The following SYNE1 variants were observed in gnomAD, a reference collection of about 807,000 sequenced individuals.
SYNE1 encodes the protein spectrin repeat containing nuclear envelope protein 1, also known as nesprin-1.
In SYNE1, 616 loss-of-function variants were observed where a neutral mutation model predicts 1,111.0. That is an observed-to-expected ratio of 0.55 (90% CI 0.52 to 0.59). The LOEUF (loss-of-function observed/expected upper bound fraction) is 0.59. Among genes scored for constraint, SYNE1 ranks in the 20% least tolerant of loss-of-function variants. The probability of loss-of-function intolerance (pLI) is 0.00; values close to 1 mark genes in which losing one functional copy is unlikely to be tolerated. For missense variants in SYNE1, 10,006 were observed against 10,417.0 expected (o/e 0.96, Z 1.72); for synonymous variants, 3,855 against 3,825.8 (o/e 1.01, Z -0.28).
intron 106 of SYNE1, 27 bp downstream of exon 106, chr6:152,244,510 C>T (rs779027142): frequency 6.2e-7 from 1 of 1,613,830 alleles, no homozygotes; most frequent in Non-Finnish European, 8.5e-7. Flanking sequence ...ACCCCTGCAG[C>T]TGAATACTAC....
At chr6:152,173,147 C>G (rs1306678935) in intron 130 of SYNE1, among the ~76,000 whole-genome samples, 3 of 151,982 alleles carry the variant, frequency 2.0e-5, no homozygotes, top group African/African-American at 4.8e-5. Flanking sequence ...AATTTAAAAA[C>G]TCAATGCAAA....
chr6:152,618,601 A>G (rs1002314618), intron 3 of SYNE1, among the ~76,000 whole-genome samples: 2 of 152,234 alleles, frequency 1.3e-5, no homozygotes, highest in African/African-American at 4.8e-5. Flanking sequence ...TTTACTAAAT[A>G]TGAAAGATTA....
At chr6:152,335,458 A>T (rs1308843829) in intron 76 of SYNE1, 4 of 152,200 alleles carry the variant, frequency 2.6e-5, no homozygotes, top group South Asian at 2.1e-4. Context: ...AATACATTTT[A>T]AAAAATTAAA....
chr6:152,226,368 G>A (rs915598887), intron 115 of SYNE1, among the ~76,000 whole-genome samples: 1 of 151,918 alleles, frequency 6.6e-6, no homozygotes, highest in Admixed American at 6.6e-5. Context: ...ATTTCTACTG[G>A]GTCTCAGTTT....
chr6:152,242,419 T>A lies in SYNE1; in HGVS notation c.19714A>T (p.Met6572Leu). The A allele has an allele frequency of 8.1e-6, 13 of 1,614,038 alleles. No individual in the cohort carries two copies. Among genetic ancestry groups the A allele is most frequent in the Non-Finnish European group, 1.0e-5 (12 of 1,180,000 alleles). The part of the protein sequence containing the change: ...KLQDMYDELM[M>L]IIGSRRSGLN... ...CCACTCCTCCGGGAGCCAATGATCA[T>A]CATCAGCTCATCATACATGTCCTAA... The change falls in exon 107 of 146, where the codon ATG (methionine) becomes TTG (leucine). Residue 6572 changes from methionine (M) to leucine (L), a missense_variant. Transcript: ENST00000367255.
chr6:152,151,067 C>G (rs1200531443), intron 135 of SYNE1, among the ~76,000 whole-genome samples: 1 of 151,796 alleles, frequency 6.6e-6, no homozygotes, highest in African/African-American at 2.4e-5. Context: ...TACAAAAATA[C>G]AAAAATTTGC....
chr6:152,382,708 T>C (rs963282667), intron 55 of SYNE1, among the ~76,000 whole-genome samples: 4 of 152,196 alleles, frequency 2.6e-5, no homozygotes, highest in Non-Finnish European at 4.4e-5. Context: ...TAATAGACCT[T>C]AATACTTGTA....
intron 98 of SYNE1, among the ~76,000 whole-genome samples, chr6:152,275,819 T>C (rs975000203): frequency 1.3e-5 from 2 of 149,848 alleles, no homozygotes; most frequent in African/African-American, 4.9e-5. Context: ...AGGCAGAGGT[T>C]GCAATGAGCT....
intron 145 of SYNE1, chr6:152,125,159 C>G: frequency 7.4e-7 from 1 of 1,349,844 alleles, no homozygotes. Context: ...CTAGCAGGGA[C>G]TCAGGCTTCC....
At chr6:152,347,291 C>T (rs2096654085) in intron 72 of SYNE1, 56 bp from the exon 73 acceptor site, 9 of 1,587,604 alleles carry the variant, frequency 5.7e-6, no homozygotes, top group Non-Finnish European at 7.8e-6. Context: ...AGTAACTTAT[C>T]CATCAAAGTT....
At chr6:152,254,827 A>G (rs2090429135) in intron 104 of SYNE1, 53 bp downstream of exon 104, 8 of 1,505,542 alleles carry the variant, frequency 5.3e-6, no homozygotes, top group Non-Finnish European at 7.3e-6. Flanking sequence ...GTGACTGACT[A>G]TTACTGAATA....
chr6:152,141,131 A>C, intron 139 of SYNE1, 72 bp downstream of exon 139: 1 of 1,608,552 alleles, frequency 6.2e-7, no homozygotes, highest in Non-Finnish European at 8.5e-7. Context: ...CCCTAAGTGG[A>C]ATTTCGCTGT....
rs368785654 is a variant in SYNE1, at chr6:152,584,556, C to T, written c.67+43709G>A. ...TAGCTGGGACCACAGGTGTGTACCA[C>T]CATGCCCAACTAATTTTTTTGATTT... is the stretch of plus-strand genomic sequence containing the variant. On this transcript the variant is annotated intron_variant, in intron 3 of 145. Transcript: ENST00000367255. Among the ~76,000 whole-genome samples, 6 of 152,084 alleles carry T rather than the reference C, an allele frequency of 3.9e-5. No individual in the cohort carries two copies. In the East Asian group the frequency reaches 1.2e-3, roughly 29 times the overall value.
Position 152,447,594 on chromosome 6 carries a change from C to T in SYNE1, c.3533G>A (p.Gly1178Asp). The change falls in exon 29 of 146, where the codon GGT becomes GAT. Residue 1178 changes from glycine to aspartate, a missense_variant. Gly to Asp is a moderately conservative substitution (Grantham distance 94, BLOSUM62 -1). This residue lies in a region of SYNE1 where 1,971 missense variants were observed against 2,084.1 expected (regional missense o/e 0.95). Coordinates refer to ENST00000367255, the MANE Select transcript of SYNE1 (RefSeq NM_182961.4). ...EEIRNGVTKR[G>D]ETLSWLKSRL... ...GGATTTCAGCCAGCTGAGGGTCTCA[C>T]CCCTTTTGGTAACACCATTTCTGAT... is the stretch of plus-strand genomic sequence containing the variant. 1 of 1,614,190 alleles carries T rather than the reference C, an allele frequency of 6.2e-7. No homozygotes were observed. Among genetic ancestry groups the T allele is most frequent in the Non-Finnish European group, 8.5e-7 (1 of 1,180,026 alleles).
rs780508961 is a variant in SYNE1 at position 152,236,808 on chromosome 6, A to G, written c.20199+9T>C. 1.6e-5 allele frequency: 26 copies of G among 1,614,058 alleles called. No homozygotes were observed. Among genetic ancestry groups the G allele is most frequent in the Non-Finnish European group, 2.1e-5 (25 of 1,180,000 alleles). On this transcript the variant is annotated intron_variant, in intron 109 of 145. Transcript: ENST00000367255. ...TTCTAAAGGCAATGTGGCGGCTTGT[A>G]ACACCAACCTGGTAGAGTGTTATGC...
chr6:152,371,256 G>A (rs2097174608), intron 59 of SYNE1, among the ~76,000 whole-genome samples: 1 of 151,898 alleles, frequency 6.6e-6, no homozygotes, highest in East Asian at 2.0e-4. Flanking sequence ...CATGGGGGTG[G>A]TTACCCCCAT....
chr6:152,407,663 A>G (rs1015297109), intron 44 of SYNE1, among the ~76,000 whole-genome samples: 1 of 152,220 alleles, frequency 6.6e-6, no homozygotes. Context: ...TTAAAATAAA[A>G]TAGTATTGCT....
At chr6:152,430,359 AT>A (rs1404779766) in intron 35 of SYNE1, 122 bp downstream of exon 35, 4 of 1,126,740 alleles carry the variant, frequency 3.6e-6, no homozygotes, top group Non-Finnish European at 5.3e-6. Context: ...TAAAATCAAC[AT>A]GTCCCATTAT....
At chr6:152,427,552 C>G (rs927372023) in intron 38 of SYNE1, 141 bp downstream of exon 38, 13 of 1,017,272 alleles carry the variant, frequency 1.3e-5, no homozygotes, top group Non-Finnish European at 1.8e-5. Context: ...TTTGGAACAC[C>G]CTGATGTCAA....
Sources: allele counts gnomAD v4.1 joint callset (sites outside exome capture counted in the v4.1 genomes callset), GRCh38; gene constraint gnomAD v4.1.1; regional missense constraint gnomAD v4.1.1; transcripts MANE v1.5; gene names NCBI Gene and HGNC (gene_info 2026-07-23, HGNC 2026-07-21).